The following GSE1 variants were observed in gnomAD, a reference collection of about 807,000 sequenced individuals.
GSE1 encodes genetic suppressor element 1.
In GSE1, 32 loss-of-function variants were observed where a neutral mutation model predicts 112.6. The observed-to-expected ratio is 0.28, with a 90% CI of 0.21 to 0.38. The LOEUF (loss-of-function observed/expected upper bound fraction) is 0.38. Ranked by LOEUF, GSE1 falls within the 10% of genes least tolerant of loss-of-function variation. GSE1 has a pLI of 1.00. For missense variants in GSE1, 2,348 were observed against 1,699.2 expected (o/e 1.38, Z -6.71); for synonymous variants, 1,115 against 735.6 (o/e 1.52, Z -8.35).
chr16:85,665,504 C>G (rs569152156), intron 12 of GSE1, among the ~76,000 whole-genome samples: 3 of 152,364 alleles, frequency 2.0e-5, no homozygotes, highest in African/African-American at 7.2e-5. Context: ...CTGCCACTAG[C>G]CTAGCCGCCC....
chr16:85,402,041 G>A (rs771528685), intron 2 of GSE1, among the ~76,000 whole-genome samples: 10 of 152,348 alleles, frequency 6.6e-5, no homozygotes, highest in Non-Finnish European at 1.2e-4. Context: ...GCCCGGAGAC[G>A]TTGGAGGCCC....
chr16:85,534,956 C>A (rs2044273122), intron 2 of GSE1, among the ~76,000 whole-genome samples: 1 of 152,188 alleles, frequency 6.6e-6, no homozygotes, highest in African/African-American at 2.4e-5. Context: ...GAATGAGGAG[C>A]CCGTGGTCTT....
intron 2 of GSE1, among the ~76,000 whole-genome samples, chr16:85,379,103 ACT>A (rs1356474716): frequency 2.0e-5 from 3 of 151,562 alleles, no homozygotes; most frequent in Non-Finnish European, 2.9e-5. Flanking sequence ...ATCTCCCTGC[ACT>A]CTCCCCAGAG....
At chr16:85,247,127 T>C (rs1167516966) in intron 1 of GSE1, among the ~76,000 whole-genome samples, 1 of 152,162 alleles carries the variant, frequency 6.6e-6, no homozygotes, top group Admixed American at 6.5e-5. Flanking sequence ...ACCTCTCTCT[T>C]TCTTCTGTTT....
intron 2 of GSE1, among the ~76,000 whole-genome samples, chr16:85,436,997 C>T (rs1486822341): frequency 6.6e-6 from 1 of 152,206 alleles, no homozygotes; most frequent in Non-Finnish European, 1.5e-5. Flanking sequence ...GCGGCGGAGC[C>T]CGGGCAGAGG....
Position 85,666,162 on chromosome 16 carries a change from G to C in GSE1, c.2945G>C (p.Gly982Ala), listed in dbSNP as rs767770596. ...EKARLSEAPG[G>A]KKSLSMLHYI... is the part of the protein sequence containing the mutation. ...GCCAGGCTGAGCGAGGCCCCTGGAG[G>C]CAAAAAGAGTCTGAGCATGCTTCAC... The change falls in exon 13 of 16, where the codon GGC becomes GCC. Residue 982 changes from glycine to alanine, a missense_variant. By Grantham distance (60) the Gly-to-Ala change is moderately conservative. Transcript: ENST00000253458. The C allele has an allele frequency of 1.2e-6, 2 of 1,613,422 alleles. No individual in the cohort carries two copies. The highest frequency in any genetic ancestry group is 8.5e-7 in the Non-Finnish European group (1 of 1,180,020).
chr16:85,507,996 C>A (rs2051597657), intron 2 of GSE1, among the ~76,000 whole-genome samples: 1 of 152,166 alleles, frequency 6.6e-6, no homozygotes, highest in Non-Finnish European at 1.5e-5. Context: ...CTGTGGCCCC[C>A]TGCCGAGGTG....
intron 1 of GSE1, among the ~76,000 whole-genome samples, chr16:85,264,385 G>A (rs971657078): frequency 2.0e-5 from 3 of 152,128 alleles, no homozygotes; most frequent in South Asian, 4.1e-4. Context: ...CTGGCCTCAC[G>A]CTGGGCAGGC....
intron 2 of GSE1, among the ~76,000 whole-genome samples, chr16:85,389,746 T>A (rs955613533): frequency 6.6e-6 from 1 of 152,164 alleles, no homozygotes; most frequent in African/African-American, 2.4e-5. Context: ...CCCTTCCTGC[T>A]TGGAGCCCTT....
intron 1 of GSE1, among the ~76,000 whole-genome samples, chr16:85,596,257 C>G (rs1217310849): frequency 2.0e-5 from 3 of 152,192 alleles, no homozygotes; most frequent in Admixed American, 6.5e-5. Flanking sequence ...GGGAGGGGGC[C>G]TGGCCCACCT....
At chr16:85,277,900 C>T (rs1326337252) in intron 1 of GSE1, among the ~76,000 whole-genome samples, 1 of 152,246 alleles carries the variant, frequency 6.6e-6, no homozygotes. Context: ...TGGATTCCTC[C>T]TGGCCTCCAC....
Position 85,547,379 on chromosome 16 carries a change from C to T in GSE1, c.2465-86535C>T, listed in dbSNP as rs974454120. Among the ~76,000 whole-genome samples the T allele has an allele frequency of 5.9e-5, 9 of 152,320 alleles. 1 individual carries two copies. Among genetic ancestry groups the T allele is most frequent in the Admixed American group, 1.3e-4 (2 of 15,310 alleles). Reference sequence around the variant, plus strand: ...TCTGGAGGCTCCTTCCTGCCTCTTCCAGCACCCGGGGAATCCAGACATCCC... The same window carrying T: ...TCTGGAGGCTCCTTCCTGCCTCTTCTAGCACCCGGGGAATCCAGACATCCC... On this transcript the variant is annotated intron_variant, in intron 2 of 2. Coordinates refer to the GSE1 transcript ENST00000637419.
chr16:85,665,106 C>G lies in GSE1; in HGVS notation c.2736C>G (p.Asp912Glu), dbSNP rs1179172267. 6.2e-7 allele frequency: 1 copy of G among 1,606,994 alleles called. No individual in the cohort carries two copies. The highest frequency in any genetic ancestry group is 8.5e-7 in the Non-Finnish European group (1 of 1,173,900). Residue 912 changes from aspartate (D) to glutamate (E), a missense_variant, in exon 12 of 16, where the codon GAC (aspartate) becomes GAG (glutamate). By Grantham distance (45) the Asp-to-Glu change is conservative (BLOSUM62 2). Transcript: ENST00000253458. ...VADSLTNSPR[D>E]SPAVSLSEPA... ...ACTCCTTGACAAACTCTCCGAGGGA[C>G]AGTCCTGCCGTCTCCCTGAGTGGTA... is the stretch of plus-strand genomic sequence containing the variant.
At chr16:85,410,968 G>T (rs868399178) in intron 2 of GSE1, among the ~76,000 whole-genome samples, 400 of 40,048 alleles carry the variant, frequency 1.0e-2, no homozygotes, top group East Asian at 0.013. Context: ...AATCCTCACT[G>T]TTACACTCAG....
chr16:85,515,457 G>A (rs950387421), intron 2 of GSE1, among the ~76,000 whole-genome samples: 4 of 152,218 alleles, frequency 2.6e-5, no homozygotes, highest in African/African-American at 4.8e-5. Flanking sequence ...GTCACCCTGA[G>A]AGTCTGCTGA....
intron 1 of GSE1, among the ~76,000 whole-genome samples, chr16:85,227,131 G>A (rs945714339): frequency 3.3e-5 from 5 of 149,892 alleles, no homozygotes; most frequent in Admixed American, 1.3e-4. Context: ...CCATCCATCC[G>A]CCCACCCATC....
chr16:85,461,444 C>A (rs992313844), intron 2 of GSE1, among the ~76,000 whole-genome samples: 1 of 152,000 alleles, frequency 6.6e-6, no homozygotes, highest in South Asian at 2.1e-4. Flanking sequence ...GCTTTAGAAA[C>A]TACCAATGGC....
At chr16:85,483,616 A>G (rs2050749068) in intron 2 of GSE1, among the ~76,000 whole-genome samples, 1 of 152,246 alleles carries the variant, frequency 6.6e-6, no homozygotes, top group Non-Finnish European at 1.5e-5. Context: ...GCCCTGTGGG[A>G]TCAAGTGTCT....
chr16:85,672,345 T>A (rs1413717780), intron 15 of GSE1, 60 bp from the exon 16 acceptor site: 2 of 1,332,004 alleles, frequency 1.5e-6, no homozygotes, highest in Non-Finnish European at 2.2e-6. Flanking sequence ...GTTTGTACTC[T>A]ACATGCTTGT....
Sources: allele counts gnomAD v4.1 joint callset (sites outside exome capture counted in the v4.1 genomes callset), GRCh38; gene constraint gnomAD v4.1.1; transcripts MANE v1.5; gene names NCBI Gene and HGNC (gene_info 2026-07-23, HGNC 2026-07-21).